Variants in COG7 observed in about 807,000 individuals in gnomAD.
COG7 encodes conserved oligomeric Golgi complex subunit 7.
Under a neutral mutation model 91.5 loss-of-function variants are expected in COG7, and 49 were observed. That is an observed-to-expected ratio of 0.54 (90% CI 0.43 to 0.68). The LOEUF (loss-of-function observed/expected upper bound fraction) is 0.68. COG7 is among the 30% of genes least tolerant of loss of function. COG7 has a pLI of 0.00. For missense variants in COG7, 895 were observed against 961.3 expected, an observed-to-expected ratio of 0.93 and a Z score of 0.91; for synonymous variants, 365 against 388.7, an observed-to-expected ratio of 0.94 and a Z score of 0.72.
At chr16:23,392,136 C>T in intron 16 of COG7, 1 of 1,390,058 alleles carries the variant, frequency 7.2e-7, no homozygotes, top group Non-Finnish European at 9.3e-7. Context: ...CTCACTGAAG[C>T]TCCCCTCAAC....
chr16:23,426,323 T>G (rs1963845301), intron 6 of COG7, among the ~76,000 whole-genome samples: 1 of 152,142 alleles, frequency 6.6e-6, no homozygotes, highest in East Asian at 1.9e-4. Flanking sequence ...CAGCAGCATA[T>G]TAAAAAACAT....
chr16:23,416,689 C>CTT, intron 9 of COG7: 1 of 478,624 alleles, frequency 2.1e-6, no homozygotes. Context: ...TCTAAGGTTT[C>CTT]TTTTTTTTTC....
intron 9 of COG7, chr16:23,414,357 G>A (rs551881704): frequency 6.6e-6 from 1 of 152,352 alleles, no homozygotes; most frequent in African/African-American, 2.4e-5. Context: ...AGGCGGGTGT[G>A]GTAGCTCATG....
intron 7 of COG7, among the ~76,000 whole-genome samples, chr16:23,422,599 G>C (rs1963776891): frequency 6.6e-6 from 1 of 151,228 alleles, no homozygotes; most frequent in Admixed American, 6.6e-5. Context: ...ATTTATATTT[G>C]TATTACTGGA....
intron 7 of COG7, among the ~76,000 whole-genome samples, chr16:23,419,332 A>G (rs1457810298): frequency 6.6e-6 from 1 of 150,900 alleles, no homozygotes; most frequent in East Asian, 2.0e-4. Flanking sequence ...AATCACTTGA[A>G]CCTGGGAGGT....
chr16:23,400,464 G>A (rs1476740496), intron 13 of COG7, among the ~76,000 whole-genome samples: 1 of 152,164 alleles, frequency 6.6e-6, no homozygotes, highest in East Asian at 1.9e-4. Context: ...GAGACCAAGA[G>A]CAGGTAACAA....
intron 6 of COG7, among the ~76,000 whole-genome samples, chr16:23,433,244 C>A (rs1043801711): frequency 1.3e-5 from 2 of 152,084 alleles, no homozygotes; most frequent in Non-Finnish European, 2.9e-5. Context: ...AATTGTGCCA[C>A]CACACCTGGC....
chr16:23,393,687 T>A, intron 14 of COG7: 1 of 301,568 alleles, frequency 3.3e-6, no homozygotes, highest in Admixed American at 4.7e-5. Context: ...TTACTGTTCA[T>A]AGGTGAAAAA....
intron 4 of COG7, among the ~76,000 whole-genome samples, chr16:23,439,618 T>C (rs1429960837): frequency 2.0e-5 from 3 of 152,168 alleles, no homozygotes; most frequent in Non-Finnish European, 4.4e-5. Flanking sequence ...ACTATGTGAA[T>C]CCATTTATAG....
At chr16:23,452,031 G>A (rs1005751435) in intron 1 of COG7, among the ~76,000 whole-genome samples, 1 of 152,000 alleles carries the variant, frequency 6.6e-6, no homozygotes, top group Non-Finnish European at 1.5e-5. Context: ...TTTGACACTG[G>A]GCTCTTGACT....
chr16:23,406,368 A>G (rs556759149), intron 11 of COG7, 106 bp from the exon 12 acceptor site: 1 of 1,000,766 alleles, frequency 1.0e-6, no homozygotes, highest in Non-Finnish European at 1.5e-6. Flanking sequence ...TCCTCATGAG[A>G]CAGACTGAAT....
chr16:23,449,535 G>A (rs1188310392), intron 1 of COG7, among the ~76,000 whole-genome samples: 1 of 150,990 alleles, frequency 6.6e-6, no homozygotes, highest in East Asian at 2.0e-4. Context: ...CCTGAGGTTG[G>A]GAGCTCGAGA....
At chr16:23,418,033 C>T (rs537537297) in intron 8 of COG7, among the ~76,000 whole-genome samples, 2 of 152,196 alleles carry the variant, frequency 1.3e-5, no homozygotes, top group Admixed American at 6.5e-5. Flanking sequence ...GCCCACATAG[C>T]ATAGTGAACC....
At chr16:23,412,255 C>T (rs1276502236) in intron 10 of COG7, 1 of 152,198 alleles carries the variant, frequency 6.6e-6, no homozygotes, top group South Asian at 2.1e-4. Flanking sequence ...ACTATTAGCC[C>T]ACTTGGGAGA....
At chr16:23,441,611 C>T (rs1046720834) in intron 4 of COG7, among the ~76,000 whole-genome samples, 1 of 152,106 alleles carries the variant, frequency 6.6e-6, no homozygotes, top group South Asian at 2.1e-4. Flanking sequence ...CACAGCAAAG[C>T]CCATCCATTT....
rs936502675 is a variant in COG7, at chr16:23,423,323, C to G, written c.1009+1426G>C. On this transcript the variant is annotated intron_variant, in intron 7 of 16. Transcript: ENST00000307149. ...TGGAGGTTACAGTGAGCCAAGATCA[C>G]ACCGCTGCACTCCAGCCTGGGCGAG... 3.3e-5 allele frequency among the ~76,000 whole-genome samples: 5 copies of G among 152,126 alleles called. No homozygotes were observed. The East Asian group carries it at 7.7e-4, about 23-fold the overall frequency.
At chr16:23,419,911 C>G (rs952271531) in intron 7 of COG7, among the ~76,000 whole-genome samples, 1 of 151,870 alleles carries the variant, frequency 6.6e-6, no homozygotes, top group Non-Finnish European at 1.5e-5. Flanking sequence ...CCGAGGTGAG[C>G]GGATTTCTTG....
chr16:23,395,642 GC>G, intron 14 of COG7, among the ~76,000 whole-genome samples: 1 of 152,200 alleles, frequency 6.6e-6, no homozygotes, highest in South Asian at 2.1e-4. Context: ...TGTAGGGATT[GC>G]TGGGGTTCCT....
intron 1 of COG7, among the ~76,000 whole-genome samples, chr16:23,450,838 AAAAG>A (rs1436751399): frequency 2.0e-5 from 3 of 152,160 alleles, no homozygotes; most frequent in Middle Eastern, 3.4e-3. Flanking sequence ...CTCAAAAAAA[AAAAG>A]AAAGAAAGAA....
Sources: gnomAD v4.1 joint callset for allele counts (sites outside exome capture counted in the v4.1 genomes callset) on GRCh38, gnomAD v4.1.1 for gene constraint, MANE v1.5 for transcripts, NCBI Gene and HGNC (gene_info 2026-07-23, HGNC 2026-07-21) for gene names.